MYH4: variants seen among roughly 807,000 people sequenced by gnomAD.
MYH4 encodes the protein myosin heavy chain 4, also known as myosin-4.
MYH4 carries 200 observed loss-of-function variants against 229.9 expected under a neutral mutation model. That is an observed-to-expected ratio of 0.87 (90% CI 0.78 to 0.98). The LOEUF is 0.98. Ranked by LOEUF, MYH4 falls within the 50% of genes least tolerant of loss-of-function variation. MYH4 has a pLI of 0.00. For missense variants in MYH4, 2,148 were observed against 2,332.6 expected, an observed-to-expected ratio of 0.92 and a Z score of 1.63; for synonymous variants, 761 against 834.6, an observed-to-expected ratio of 0.91 and a Z score of 1.52.
chr17:10,450,392 A>G (rs2072559191), intron 30 of MYH4, 61 bp downstream of exon 30: 5 of 1,611,742 alleles, frequency 3.1e-6, no homozygotes, highest in Non-Finnish European at 4.2e-6. Context: ...TCTTTCTTCT[A>G]TTTTTCCTTC....
intron 15 of MYH4, 129 bp from the exon 16 acceptor site, chr17:10,457,858 A>G: frequency 4.8e-6 from 6 of 1,255,278 alleles, no homozygotes; most frequent in Non-Finnish European, 6.5e-6. Context: ...TAGGCATGAC[A>G]TGTGAAGCAG....
At chr17:10,469,148 A>T (rs1320279944) in intron 2 of MYH4, 140 bp downstream of exon 2, 2 of 152,232 alleles carry the variant, frequency 1.3e-5, no homozygotes, top group Non-Finnish European at 2.9e-5. Flanking sequence ...TCAAAATTTT[A>T]TGAGAAGGCA....
chr17:10,468,036 A>C lies in MYH4; in HGVS notation c.-40+1252T>G, dbSNP rs183681686. 7.2e-4 allele frequency among the ~76,000 whole-genome samples: 109 copies of C among 152,170 alleles called. 1 individual carries two copies. Among genetic ancestry groups the C allele is most frequent in the African/African-American group, 2.5e-3 (104 of 41,524 alleles). On this transcript the variant is annotated intron_variant, in intron 2 of 39. Coordinates refer to ENST00000255381, the MANE Select transcript of MYH4 (RefSeq NM_017533.2). ...AATGTTAGCTATGGAATTTCCACAT[A>C]CTCTATTTTCAAAATCAGTCTTATC...
At chr17:10,449,229 T>C (rs1189650857) in intron 30 of MYH4, among the ~76,000 whole-genome samples, 182 bp from the exon 31 acceptor site, 1 of 152,188 alleles carries the variant, frequency 6.6e-6, no homozygotes, top group Non-Finnish European at 1.5e-5. Flanking sequence ...TTTTTATCCA[T>C]CTCAGGTATT....
chr17:10,454,815 A>G lies in MYH4; in HGVS notation c.2436-5T>C. The G allele has an allele frequency of 6.2e-7, 1 of 1,611,726 alleles. No individual in the cohort carries two copies. Among genetic ancestry groups the G allele is most frequent in the Non-Finnish European group, 8.5e-7 (1 of 1,178,754 alleles). ...TGAATGCAGAAGATGGACTCTCTGT[A>G]GGAAAAGAAAAAAAGATGCAAATGG... On this transcript the variant is annotated splice_region_variant and splice_polypyrimidine_tract_variant and intron_variant, in intron 21 of 39. Transcript: ENST00000255381.
intron 27 of MYH4, among the ~76,000 whole-genome samples, 183 bp downstream of exon 27, chr17:10,451,758 G>A (rs180929492): frequency 1.3e-5 from 2 of 152,202 alleles, no homozygotes; most frequent in African/African-American, 4.8e-5. Context: ...AAAGGTTAAA[G>A]TGTTTTCTAC....
intron 27 of MYH4, 125 bp from the exon 28 acceptor site, chr17:10,451,577 G>A (rs2072574049): frequency 9.2e-7 from 1 of 1,083,654 alleles, no homozygotes; most frequent in Non-Finnish European, 1.3e-6. Flanking sequence ...AATCTTGCAT[G>A]GTGGCTATAA....
Position 10,454,547 on chromosome 17 carries a change from A to G in MYH4, c.2691+8T>C. ...AGATGTGGCTGAACTGCAATGTATAATACTTACAGCTTGAACTTGGAGTTG... is the reference window on the plus strand; with the variant it reads ...AGATGTGGCTGAACTGCAATGTATAGTACTTACAGCTTGAACTTGGAGTTG... On this transcript the variant is annotated splice_region_variant and intron_variant, in intron 22 of 39. Transcript: ENST00000255381. The G allele has an allele frequency of 1.9e-6, 3 of 1,613,346 alleles. No homozygotes were observed. Among genetic ancestry groups the G allele is most frequent in the Non-Finnish European group, 1.7e-6 (2 of 1,179,856 alleles).
rs1228338301 is a variant in MYH4 at position 10,454,984 on chromosome 17, C to T, written c.2392G>A (p.Gly798Arg). 1.2e-6 allele frequency: 2 copies of T among 1,614,092 alleles called. No homozygotes were observed. Among genetic ancestry groups the T allele is most frequent in the South Asian group, 2.2e-5 (2 of 91,088 alleles). Residue 798 changes from glycine (G) to arginine (R), a missense_variant, in exon 21 of 40, where the codon GGG (glycine) becomes AGG (arginine). Gly to Arg is a moderately radical substitution (Grantham distance 125, BLOSUM62 -2). Coordinates refer to ENST00000255381, the MANE Select transcript of MYH4 (RefSeq NM_017533.2). Reference protein sequence around the residue: ...LITRTQAICRGFLMRVEFRKM... With the variant: ...LITRTQAICRRFLMRVEFRKM... ...CTGAACTCCACTCTCATCAGGAACC[C>T]TCTGCATATGGCTTGAGTGCGCGTG...
Position 10,459,342 on chromosome 17 carries a change from A to G in MYH4, c.1496T>C (p.Leu499Pro). The change falls in exon 15 of 40, where the codon CTG (leucine) becomes CCG (proline). Residue 499 changes from leucine to proline, a missense_variant. Transcript: ENST00000255381. Reference protein sequence around the residue: ...QQFFNHHMFVLEQEEYKKEGI... With the variant: ...QQFFNHHMFVPEQEEYKKEGI... Reference sequence around the variant, plus strand: ...TTCCTTCTTGTACTCTTCCTGCTCCAGCACGAACATGTGGTGGTTGAAAAA... The same window carrying G: ...TTCCTTCTTGTACTCTTCCTGCTCCGGCACGAACATGTGGTGGTTGAAAAA... 6.2e-7 allele frequency: 1 copy of G among 1,614,128 alleles called. No homozygotes were observed.
At chr17:10,445,953 G>A (rs149849109) in intron 35 of MYH4, among the ~76,000 whole-genome samples, 1,515 of 149,176 alleles carry the variant, frequency 0.01, 19 homozygotes, top group African/African-American at 0.034. Context: ...GCGTGAACAT[G>A]GGAGTCGGAG....
In MYH4 at chr17:10,456,485, C is replaced by G; in HGVS notation, c.1968G>C (p.Arg656Ser). The G allele has an allele frequency of 2.5e-6, 4 of 1,611,102 alleles. No individual in the cohort carries two copies. Among genetic ancestry groups the G allele is most frequent in the Non-Finnish European group, 3.4e-6 (4 of 1,177,878 alleles). ...SSFQTVSALF[R>S]ENLNKLMTNL... ...TCTGTAATTCAAGAATATACTGTAC[C>G]CTGAAAAGAGCTGACACTGTCTGGA... Residue 656 changes from arginine (R) to serine (S), a missense_variant and splice_region_variant, in exon 17 of 40, where the codon AGG becomes AGC. Coordinates refer to ENST00000255381, the MANE Select transcript of MYH4 (RefSeq NM_017533.2).
intron 18 of MYH4, 22 bp from the exon 19 acceptor site, chr17:10,455,753 C>T: frequency 6.2e-7 from 1 of 1,614,108 alleles, no homozygotes. Context: ...AATCCACATG[C>T]CATACTTCGT....
At chr17:10,467,212 C>A (rs369422586) in intron 2 of MYH4, among the ~76,000 whole-genome samples, 77 of 152,234 alleles carry the variant, frequency 5.1e-4, no homozygotes, top group African/African-American at 1.5e-3. Flanking sequence ...TATAAATGAA[C>A]CTGTCTTAAA....
chr17:10,448,819 G>A (rs755817964), intron 31 of MYH4, 36 bp from the exon 32 acceptor site: 9 of 1,612,796 alleles, frequency 5.6e-6, no homozygotes, highest in Non-Finnish European at 5.9e-6. Context: ...TTGAAACCAA[G>A]AATGATGTCA....
At chr17:10,466,056 G>A (rs2072762923) in intron 4 of MYH4, among the ~76,000 whole-genome samples, 1 of 152,126 alleles carries the variant, frequency 6.6e-6, no homozygotes, top group South Asian at 2.1e-4. Context: ...TTACAGGCGT[G>A]AGCCACCGCG....
At position 10,449,026 on chromosome 17, in the gene MYH4, CA is replaced by C; in HGVS notation, c.4202del (p.Leu1401ArgfsTer8). 1 of 1,614,100 alleles carries C rather than the reference CA, an allele frequency of 6.2e-7. No homozygotes were observed. The highest frequency in any genetic ancestry group is 8.5e-7 in the Non-Finnish European group (1 of 1,179,996). ...EEAKKKLAQR[L>X]QDAEEHVEAV... Reference sequence around the variant, plus strand: ...CTTCTACATGTTCTTCTGCATCCTGCAGACGCTGGGCTAGCTTCTTCCTGAA... The same window carrying C: ...CTTCTACATGTTCTTCTGCATCCTGCGACGCTGGGCTAGCTTCTTCCTGAA... On this transcript the variant is annotated frameshift_variant, in exon 31 of 40. Coordinates refer to ENST00000255381, the MANE Select transcript of MYH4 (RefSeq NM_017533.2). LOFTEE classifies it high-confidence loss of function.
At chr17:10,465,806 G>A (rs1413082470) in intron 4 of MYH4, among the ~76,000 whole-genome samples, 6 of 116,360 alleles carry the variant, frequency 5.2e-5, no homozygotes, top group African/African-American at 6.6e-5. Context: ...ACGGAGTCTC[G>A]CTCTGTCGCC....
intron 25 of MYH4, 40 bp downstream of exon 25, chr17:10,452,747 A>G (rs200942805): frequency 9.0e-6 from 14 of 1,560,486 alleles, no homozygotes; most frequent in Non-Finnish European, 1.0e-5. Flanking sequence ...TTGCATTGAC[A>G]TACAACAAGC....
Sources: allele counts gnomAD v4.1 joint callset (sites outside exome capture counted in the v4.1 genomes callset), GRCh38; gene constraint gnomAD v4.1.1; transcripts MANE v1.5; gene names NCBI Gene and HGNC (gene_info 2026-07-23, HGNC 2026-07-21).